The following ALMS1 variants were observed in gnomAD, a reference collection of about 807,000 sequenced individuals.
The protein encoded by ALMS1 is ALMS1 centrosome and basal body associated protein.
Under a neutral mutation model 352.2 loss-of-function variants are expected in ALMS1, and 271 were observed. The observed-to-expected ratio is 0.77, with a 90% CI of 0.70 to 0.85. The LOEUF (loss-of-function observed/expected upper bound fraction) is 0.85. Ranked by LOEUF, ALMS1 falls within the 40% of genes least tolerant of loss-of-function variation. The probability of loss-of-function intolerance (pLI) is 0.00; values close to 1 mark genes in which losing one functional copy is unlikely to be tolerated. For missense variants in ALMS1, 5,445 were observed against 4,870.7 expected (o/e 1.12, Z -3.51); for synonymous variants, 1,865 against 1,761.2 (o/e 1.06, Z -1.48).
chr2:73,540,172 C>T (rs1301721561), intron 12 of ALMS1, among the ~76,000 whole-genome samples: 1 of 152,216 alleles, frequency 6.6e-6, no homozygotes, highest in Non-Finnish European at 1.5e-5. Context: ...CAACTGATCT[C>T]TCAGCAGAAA....
At chr2:73,406,660 T>C (rs1196547497) in intron 1 of ALMS1, among the ~76,000 whole-genome samples, 1 of 152,180 alleles carries the variant, frequency 6.6e-6, no homozygotes, top group Non-Finnish European at 1.5e-5. Flanking sequence ...ACAACTTCAC[T>C]TCAATCACAT....
chr2:73,492,636 G>A (rs1673014623), intron 10 of ALMS1, among the ~76,000 whole-genome samples: 1 of 152,144 alleles, frequency 6.6e-6, no homozygotes, highest in Admixed American at 6.5e-5. Context: ...GTCCCTTATA[G>A]CTCTAAAAGT....
At chr2:73,443,588 T>TA (rs371175375) in intron 7 of ALMS1, among the ~76,000 whole-genome samples, 6 of 151,892 alleles carry the variant, frequency 4.0e-5, no homozygotes, top group Non-Finnish European at 8.8e-5. Flanking sequence ...TGCTTTTTTT[T>TA]ACTTGTTTCT....
intron 9 of ALMS1, among the ~76,000 whole-genome samples, chr2:73,466,533 C>G (rs1672349740): frequency 1.3e-5 from 2 of 151,090 alleles, no homozygotes; most frequent in Admixed American, 1.3e-4. Context: ...GGAGATATAC[C>G]TAATGTTAAA....
At chr2:73,499,897 C>T (rs1422260630) in intron 10 of ALMS1, among the ~76,000 whole-genome samples, 3 of 152,122 alleles carry the variant, frequency 2.0e-5, no homozygotes, top group Non-Finnish European at 2.9e-5. Flanking sequence ...TTTCTCTTCC[C>T]GTGTGATGTG....
chr2:73,520,347 T>A (rs1224583207), intron 11 of ALMS1, among the ~76,000 whole-genome samples: 1 of 152,198 alleles, frequency 6.6e-6, no homozygotes, highest in Non-Finnish European at 1.5e-5. Context: ...GGATAAATTA[T>A]CTTGTATTAC....
intron 16 of ALMS1, among the ~76,000 whole-genome samples, chr2:73,585,892 C>T (rs1199038277): frequency 1.3e-5 from 2 of 151,954 alleles, no homozygotes; most frequent in Non-Finnish European, 2.9e-5. Flanking sequence ...CCACGCCTGG[C>T]CAATTTTTTG....
intron 10 of ALMS1, among the ~76,000 whole-genome samples, chr2:73,502,079 C>A (rs1673230753): frequency 6.6e-6 from 1 of 151,986 alleles, no homozygotes; most frequent in Admixed American, 6.6e-5. Flanking sequence ...TATAGAAATA[C>A]TGTTGTCATG....
chr2:73,390,622 C>T (rs1670624735), intron 1 of ALMS1, among the ~76,000 whole-genome samples: 1 of 152,120 alleles, frequency 6.6e-6, no homozygotes. Context: ...TATGCTGGTC[C>T]TACAGACCAT....
intron 17 of ALMS1, 56 bp from the exon 18 acceptor site, chr2:73,600,622 T>C (rs1237490061): frequency 1.5e-5 from 22 of 1,507,114 alleles, no homozygotes; most frequent in Middle Eastern, 1.8e-4. Context: ...CTTGAATAAA[T>C]CTGTCAACTC....
chr2:73,523,883 T>A (rs960519720), intron 11 of ALMS1, among the ~76,000 whole-genome samples: 40 of 151,998 alleles, frequency 2.6e-4, no homozygotes, highest in African/African-American at 9.7e-4. Context: ...GATGAGCAAC[T>A]AGGAGTCCAT....
At chr2:73,527,276 T>C (rs920142502) in intron 11 of ALMS1, among the ~76,000 whole-genome samples, 2 of 151,766 alleles carry the variant, frequency 1.3e-5, no homozygotes, top group Non-Finnish European at 2.9e-5. Flanking sequence ...TTTGGTTTAC[T>C]GGTCTTGTAG....
At position 73,450,977 on chromosome 2, in the gene ALMS1, G is replaced by A. The variant is rs779113815; in HGVS notation, c.4450G>A (p.Val1484Ile). ...PSSSFGEKPI[V>I]IYKQAFPEGH... ...CAGCTCATTTGGAGAGAAGCCCATT[G>A]TTATCTACAAACAGGCCTTTCCAGA... The change falls in exon 8 of 23, where the codon GTT becomes ATT. Residue 1484 changes from valine to isoleucine, a missense_variant. Coordinates refer to ENST00000613296, the MANE Select transcript of ALMS1 (RefSeq NM_001378454.1). The A allele has an allele frequency of 8.7e-6, 14 of 1,613,504 alleles. No homozygotes were observed. Among genetic ancestry groups the A allele is most frequent in the South Asian group, 4.4e-5 (4 of 91,058 alleles).
In ALMS1 at chr2:73,559,132, C is replaced by G. The variant is rs767799669; in HGVS notation, c.10374C>G (p.Ile3458Met). ...CAAACAATAAAGAATCCCTACAGATCAATATTGAAGGTAATGGGATTGGGT... is the reference window on the plus strand; with the variant it reads ...CAAACAATAAAGAATCCCTACAGATGAATATTGAAGGTAATGGGATTGGGT... ...AWPNNKESLQ[I>M]NIEESECHSE... The change falls in exon 15 of 23, where the codon ATC becomes ATG. Residue 3458 changes from isoleucine (I) to methionine (M), a missense_variant. Transcript: ENST00000613296. 1.1e-5 allele frequency: 17 copies of G among 1,613,094 alleles called. No homozygotes were observed. In the South Asian group the frequency reaches 1.5e-4, roughly 15 times the overall value.
intron 16 of ALMS1, among the ~76,000 whole-genome samples, chr2:73,573,796 A>G (rs1674995906): frequency 6.6e-6 from 1 of 151,196 alleles, no homozygotes; most frequent in Non-Finnish European, 1.5e-5. Flanking sequence ...TTCAGGAAAT[A>G]TATTTGAGGT....
chr2:73,460,846 A>G (rs1672179555), intron 9 of ALMS1, among the ~76,000 whole-genome samples: 1 of 152,236 alleles, frequency 6.6e-6, no homozygotes. Context: ...GATTGCTAGC[A>G]CAGCAGTCTG....
Position 73,533,402 on chromosome 2 carries a change from G to A in ALMS1, c.9782-1422G>A, listed in dbSNP as rs567515941. 2.0e-5 allele frequency among the ~76,000 whole-genome samples: 3 copies of A among 152,312 alleles called. No individual in the cohort carries two copies. In the South Asian group the frequency reaches 6.2e-4, roughly 32 times the overall value. ...AGCAGATAGCTGAGTTGCATATCTG[G>A]TGGCTGTGGCATCCTTCCATCTCTG... is the stretch of plus-strand genomic sequence containing the variant. On this transcript the variant is annotated intron_variant, in intron 11 of 22. Coordinates refer to ENST00000613296, the MANE Select transcript of ALMS1 (RefSeq NM_001378454.1).
chr2:73,419,311 A>C lies in ALMS1; in HGVS notation c.639A>C (p.Pro213=). 1 of 1,613,742 alleles carries C rather than the reference A, an allele frequency of 6.2e-7. No homozygotes were observed. The highest frequency in any genetic ancestry group is 1.3e-5 in the African/African-American group (1 of 75,072). The change falls in exon 3 of 23, where the codon CCA becomes CCC. Residue 213 remains proline, a synonymous_variant. Coordinates refer to ENST00000613296, the MANE Select transcript of ALMS1 (RefSeq NM_001378454.1). ...KEPNRDLFCS[P]LLVIQDSFAS... is the part of the protein sequence containing the mutation. ...CCAACAGAGATCTCTTCTGTTCTCC[A>C]CTGCTAGGTAATGCCTGTTTATTTT...
At position 73,395,071 on chromosome 2, in the gene ALMS1, TA is replaced by T. The variant is rs1473086125; in HGVS notation, c.324+8880del. Among the ~76,000 whole-genome samples, 175 of 116,220 alleles carry T rather than the reference TA, an allele frequency of 1.5e-3. 8 individuals are homozygous for T. The highest frequency in any genetic ancestry group is 6.1e-3 in the African/African-American group (149 of 24,410). The allele number at this position is 116,220 out of a possible 152,430, so 76.2% of individuals were successfully genotyped here. A position where few individuals can be genotyped will look rare whatever the true frequency, so the allele number is the denominator to read the frequency against. ...ATATATATATATGTGTATATATATATATATATATTTTTTTTTTTTTTTTTTT... is the reference window on the plus strand; with the variant it reads ...ATATATATATATGTGTATATATATATTATATATTTTTTTTTTTTTTTTTTT... On this transcript the variant is annotated intron_variant, in intron 1 of 22. Transcript: ENST00000613296.
Sources: allele counts gnomAD v4.1 joint callset (sites outside exome capture counted in the v4.1 genomes callset), GRCh38; gene constraint gnomAD v4.1.1; transcripts MANE v1.5; gene names NCBI Gene and HGNC (gene_info 2026-07-23, HGNC 2026-07-21).